IL1RAPL1: variants seen among roughly 807,000 people sequenced by gnomAD.
The protein encoded by IL1RAPL1 is interleukin-1 receptor accessory protein-like 1.
Under a neutral mutation model 48.4 loss-of-function variants are expected in IL1RAPL1, and 3 were observed. That is an observed-to-expected ratio of 0.06 (90% CI 0.03 to 0.16). IL1RAPL1 has a LOEUF of 0.16. IL1RAPL1 is among the 10% of genes least tolerant of loss of function. The pLI is 1.00. For synonymous variants in IL1RAPL1, 185 were observed against 187.7 expected, an observed-to-expected ratio of 0.99 and a Z score of 0.12; for missense variants, 349 against 530.6, an observed-to-expected ratio of 0.66 and a Z score of 3.36.
rs182869652 is a variant in IL1RAPL1 at position 29,514,595 on chromosome X, C to T, written c.703+115287C>T. The stretch of plus-strand genomic sequence containing the variant: ...TCCCCAGTAGCTGGGATCACAGGTG[C>T]GCACCACCACGCCCGGCTAATTTTT... On this transcript the variant is annotated intron_variant, in intron 5 of 10. Transcript: ENST00000378993. Among the ~76,000 whole-genome samples, 29 of 111,607 alleles carry T rather than the reference C, an allele frequency of 2.6e-4. No homozygotes were observed. In the South Asian group the frequency reaches 3.7e-3, roughly 14 times the overall value.
rs756076518 is a variant in IL1RAPL1, at chrX:29,736,432, T to G, written c.778+67928T>G. Among the ~76,000 whole-genome samples, 70 of 111,857 alleles carry G rather than the reference T, an allele frequency of 6.3e-4. 2 individuals carry two copies. The highest frequency in any genetic ancestry group is 1.1e-4 in the Non-Finnish European group (6 of 53,159). On this transcript the variant is annotated intron_variant, in intron 6 of 10. Transcript: ENST00000378993. ...GCCATTCACATATCACACATGTGTATTAAAGAATTTGGGCTGGGCGCAGTG... is the reference window on the plus strand; with the variant it reads ...GCCATTCACATATCACACATGTGTAGTAAAGAATTTGGGCTGGGCGCAGTG...
chrX:29,724,821 T>A, intron 6 of IL1RAPL1, among the ~76,000 whole-genome samples: 1 of 112,327 alleles, frequency 8.9e-6, no homozygotes, highest in Admixed American at 9.4e-5. Context: ...AGGTCTATCC[T>A]GACGCCTTAT....
intron 6 of IL1RAPL1, among the ~76,000 whole-genome samples, chrX:29,689,950 AAG>A (rs1401450597): frequency 8.9e-6 from 1 of 111,905 alleles, no homozygotes; most frequent in Non-Finnish European, 1.9e-5. Context: ...TAGAATGAAT[AAG>A]AGGAAGTAGG....
chrX:29,066,739 C>T (rs945914964), intron 2 of IL1RAPL1, among the ~76,000 whole-genome samples: 2 of 112,059 alleles, frequency 1.8e-5, no homozygotes, highest in Non-Finnish European at 3.8e-5. Flanking sequence ...GCTGAAGCCC[C>T]TGCCCTATGT....
intron 2 of IL1RAPL1, among the ~76,000 whole-genome samples, chrX:29,096,415 A>G (rs983983411): frequency 8.9e-6 from 1 of 111,888 alleles, no homozygotes; most frequent in African/African-American, 3.2e-5. Flanking sequence ...ACTCGTACAG[A>G]ATCTAATTTT....
At chrX:29,802,989 A>ATATGTATACATACATT (rs1569173297) in intron 6 of IL1RAPL1, among the ~76,000 whole-genome samples, 1 of 41,754 alleles carries the variant, frequency 2.4e-5, no homozygotes, top group African/African-American at 1.1e-4. Flanking sequence ...ACATGTGTAC[A>ATATGTATACATACATT]TATATATGTA....
intron 5 of IL1RAPL1, among the ~76,000 whole-genome samples, chrX:29,541,999 A>G (rs1488179480): frequency 3.6e-5 from 4 of 111,544 alleles, no homozygotes; most frequent in Non-Finnish European, 7.5e-5. Flanking sequence ...AATGGAATAT[A>G]TTTGCTTTTA....
chrX:28,724,712 A>G (rs186271167), intron 1 of IL1RAPL1, among the ~76,000 whole-genome samples: 1 of 111,147 alleles, frequency 9.0e-6, no homozygotes, highest in African/African-American at 3.3e-5. Flanking sequence ...AAAATTTGGC[A>G]TGTTTTTGCA....
At chrX:29,281,381 T>A (rs1185372389) in intron 2 of IL1RAPL1, among the ~76,000 whole-genome samples, 1 of 111,694 alleles carries the variant, frequency 9.0e-6, no homozygotes, top group East Asian at 2.8e-4. Flanking sequence ...GTACCTGCCC[T>A]ATGGGGACCT....
chrX:28,999,296 T>G (rs1343315369), intron 2 of IL1RAPL1, among the ~76,000 whole-genome samples: 1 of 111,559 alleles, frequency 9.0e-6, no homozygotes, highest in Non-Finnish European at 1.9e-5. Flanking sequence ...CTGACTCTAC[T>G]TAATCTTGCC....
chrX:29,701,903 G>A (rs1301736287), intron 6 of IL1RAPL1, among the ~76,000 whole-genome samples: 1 of 111,766 alleles, frequency 8.9e-6, no homozygotes, highest in Non-Finnish European at 1.9e-5. Context: ...GAAAGCATGA[G>A]TGTTTCTCAC....
intron 2 of IL1RAPL1, among the ~76,000 whole-genome samples, chrX:29,023,712 C>T (rs1000685203): frequency 8.9e-6 from 1 of 112,057 alleles, no homozygotes; most frequent in African/African-American, 3.2e-5. Context: ...ACTTGAATTG[C>T]CACTTATGTC....
At chrX:29,103,350 T>A (rs1928383500) in intron 2 of IL1RAPL1, among the ~76,000 whole-genome samples, 1 of 111,642 alleles carries the variant, frequency 9.0e-6, no homozygotes, top group South Asian at 3.7e-4. Flanking sequence ...TCCACAAAGG[T>A]GCCAAGAACA....
At chrX:28,757,037 G>A (rs1209445662) in intron 1 of IL1RAPL1, among the ~76,000 whole-genome samples, 2 of 112,433 alleles carry the variant, frequency 1.8e-5, no homozygotes, top group African/African-American at 3.2e-5. Context: ...CTGGATTATG[G>A]TAAATCTTAA....
intron 2 of IL1RAPL1, among the ~76,000 whole-genome samples, chrX:29,035,068 C>T (rs753506311): frequency 9.0e-6 from 1 of 110,936 alleles, no homozygotes; most frequent in African/African-American, 3.3e-5. Context: ...AGGGTTTCAT[C>T]GTGTTAGCTA....
intron 5 of IL1RAPL1, among the ~76,000 whole-genome samples, chrX:29,663,327 CTG>C (rs769036303): frequency 1.8e-5 from 2 of 112,432 alleles, no homozygotes; most frequent in East Asian, 5.6e-4. Context: ...CTGTATAAAT[CTG>C]TGAATATTTT....
chrX:29,594,153 G>C (rs1022486490), intron 5 of IL1RAPL1, among the ~76,000 whole-genome samples: 1 of 112,272 alleles, frequency 8.9e-6, no homozygotes, highest in Non-Finnish European at 1.9e-5. Context: ...AGAGAATCTG[G>C]CTTATCTTTC....
intron 1 of IL1RAPL1, among the ~76,000 whole-genome samples, chrX:28,766,129 A>G (rs887181970): frequency 1.3e-4 from 14 of 111,667 alleles, no homozygotes; most frequent in African/African-American, 4.2e-4. Flanking sequence ...AAAAAAATGA[A>G]TTCTACCTTT....
At chrX:29,311,516 A>G (rs1477188848) in intron 3 of IL1RAPL1, among the ~76,000 whole-genome samples, 1 of 111,850 alleles carries the variant, frequency 8.9e-6, no homozygotes, top group Non-Finnish European at 1.9e-5. Flanking sequence ...TGATGATGAA[A>G]ATATTCTATG....
Sources: gnomAD v4.1 joint callset for allele counts (sites outside exome capture counted in the v4.1 genomes callset) on GRCh38, gnomAD v4.1.1 for gene constraint, MANE v1.5 for transcripts, NCBI Gene and HGNC (gene_info 2026-07-23, HGNC 2026-07-21) for gene names.